Variants in TIFAB observed in about 807,000 individuals in gnomAD.
The protein encoded by TIFAB is TIFA inhibitor.
For synonymous variants in TIFAB, 116 were observed against 95.2 expected (o/e 1.22, Z -1.27); for missense variants, 222 against 203.6 (o/e 1.09, Z -0.55).
intron 1 of TIFAB, among the ~76,000 whole-genome samples, chr5:135,451,936 A>T (rs1769368349): frequency 6.6e-6 from 1 of 152,214 alleles, no homozygotes. Flanking sequence ...CTCAGGAAGA[A>T]AGATTCACAG....
At position 135,447,145 on chromosome 5, in the gene TIFAB, C is replaced by T. The variant is rs771457779; in HGVS notation, c.*2309G>A. ...CATTTTGGTCAGTGACAGATCACTG[C>T]TGCTTTTCATCAGACCAAAATACAT... is the stretch of plus-strand genomic sequence containing the variant. On this transcript the variant is annotated 3_prime_UTR_variant, in exon 2 of 2. Transcript: ENST00000537858. 15 of 1,613,554 alleles carry T rather than the reference C, an allele frequency of 9.3e-6. No individual in the cohort carries two copies. The East Asian group carries it at 2.9e-4, about 31-fold the overall frequency.
rs932665442 is a variant in TIFAB, at chr5:135,444,491, C to T, written c.*4963G>A. Reference sequence around the variant, plus strand: ...GGTACTGTGGCGACATCAGCCACCACTACGTGTCACGGGGTGGATGCTGAG... The same window carrying T: ...GGTACTGTGGCGACATCAGCCACCATTACGTGTCACGGGGTGGATGCTGAG... On this transcript the variant is annotated 3_prime_UTR_variant, in exon 2 of 2. Transcript: ENST00000537858. 1.3e-5 allele frequency: 2 copies of T among 152,322 alleles called. No homozygotes were observed. Among genetic ancestry groups the T allele is most frequent in the African/African-American group, 2.4e-5 (1 of 41,452 alleles). 9.4% of individuals were successfully genotyped at this position (152,322 alleles called of 1,614,324 possible).
rs1006852064 is a variant in TIFAB, at chr5:135,446,206, A to G, written c.*3248T>C. The G allele has an allele frequency of 1.3e-5, 10 of 786,136 alleles. No homozygotes were observed. Among genetic ancestry groups the G allele is most frequent in the African/African-American group, 1.2e-4 (7 of 57,662 alleles). 48.7% of individuals were successfully genotyped at this position (786,136 alleles called of 1,614,324 possible). On this transcript the variant is annotated 3_prime_UTR_variant, in exon 2 of 2. Transcript: ENST00000537858. ...AACTGTGGCACGGAGAGATTCAGTTACTTGTCCAGGATCACAGAACTATAG... is the reference window on the plus strand; with the variant it reads ...AACTGTGGCACGGAGAGATTCAGTTGCTTGTCCAGGATCACAGAACTATAG...
rs975851642 is a variant in TIFAB at position 135,447,389 on chromosome 5, T to G, written c.*2065A>C. On this transcript the variant is annotated 3_prime_UTR_variant, in exon 2 of 2. Coordinates refer to ENST00000537858, the MANE Select transcript of TIFAB (RefSeq NM_001099221.2). ...GGTGTGAGTCTTCCTTAGCTCCGTGTGGATGGTGAGCCCTCCTCTCTCAGG... is the reference window on the plus strand; with the variant it reads ...GGTGTGAGTCTTCCTTAGCTCCGTGGGGATGGTGAGCCCTCCTCTCTCAGG... 6.0e-6 allele frequency: 3 copies of G among 501,758 alleles called. No homozygotes were observed. Among genetic ancestry groups the G allele is most frequent in the African/African-American group, 5.8e-5 (3 of 51,384 alleles). The allele number at this position is 501,758 out of a possible 1,614,324, so 31.1% of individuals were successfully genotyped here.
At chr5:135,451,553 G>T (rs1006972472) in intron 1 of TIFAB, among the ~76,000 whole-genome samples, 8 of 149,610 alleles carry the variant, frequency 5.3e-5, no homozygotes, top group African/African-American at 2.0e-4. Context: ...GCATGATCTT[G>T]GCTCATGGTA....
rs1490835331 is a variant in TIFAB, at chr5:135,446,637, C to G, written c.*2817G>C. 6.2e-7 allele frequency: 1 copy of G among 1,614,042 alleles called. No homozygotes were observed. Among genetic ancestry groups the G allele is most frequent in the South Asian group, 1.1e-5 (1 of 91,084 alleles). ...GGGCAGAGCTTAACTGCCTTAAAAA[C>G]TTGGTACAGGGCAAGGTGTGAGTTT... On this transcript the variant is annotated 3_prime_UTR_variant, in exon 2 of 2. Coordinates refer to ENST00000537858, the MANE Select transcript of TIFAB (RefSeq NM_001099221.2).
rs541147440 is a variant in TIFAB, at chr5:135,449,378, C to T, written c.*76G>A. 4.2e-4 allele frequency: 663 copies of T among 1,564,640 alleles called. 2 individuals carry two copies. Among genetic ancestry groups the T allele is most frequent in the Middle Eastern group, 1.6e-3 (7 of 4,272 alleles). On this transcript the variant is annotated 3_prime_UTR_variant, in exon 2 of 2. Transcript: ENST00000537858. ...CCTCTGGAGCTGTATTTCTGTTCCT[C>T]CTCCAGGTCTTGGCTGGAGAGGGCT...
rs145723930 is a variant in TIFAB at position 135,444,248 on chromosome 5, C to A, written c.*5206G>T. 6.6e-6 allele frequency: 1 copy of A among 152,134 alleles called. No individual in the cohort carries two copies. The highest frequency in any genetic ancestry group is 2.1e-4 in the South Asian group (1 of 4,824). 9.4% of individuals were successfully genotyped at this position (152,134 alleles called of 1,614,324 possible). A position where few individuals can be genotyped will look rare whatever the true frequency, so the allele number is the denominator to read the frequency against. Reference sequence around the variant, plus strand: ...TGGTAGGTTTTATTTCACTTTAATCCGCCTGTGAGTTCACGTTAAAGGTAA... The same window carrying A: ...TGGTAGGTTTTATTTCACTTTAATCAGCCTGTGAGTTCACGTTAAAGGTAA... On this transcript the variant is annotated 3_prime_UTR_variant, in exon 2 of 2. Transcript: ENST00000537858.
In TIFAB at chr5:135,446,891, T is replaced by G; in HGVS notation, c.*2563A>C. On this transcript the variant is annotated 3_prime_UTR_variant, in exon 2 of 2. Coordinates refer to ENST00000537858, the MANE Select transcript of TIFAB (RefSeq NM_001099221.2). Reference sequence around the variant, plus strand: ...CAGGACCCCAGCTGGCAAGGTTTTGTTCCTCCCTGGAGGGTAGAGACCCTC... The same window carrying G: ...CAGGACCCCAGCTGGCAAGGTTTTGGTCCTCCCTGGAGGGTAGAGACCCTC... The G allele has an allele frequency of 6.2e-7, 1 of 1,613,690 alleles. No homozygotes were observed. The highest frequency in any genetic ancestry group is 2.2e-5 in the East Asian group (1 of 44,874).
Position 135,449,368 on chromosome 5 carries a change from T to G in TIFAB, c.*86A>C. 1 of 1,551,120 alleles carries G rather than the reference T, an allele frequency of 6.4e-7. No individual in the cohort carries two copies. The highest frequency in any genetic ancestry group is 8.7e-7 in the Non-Finnish European group (1 of 1,150,496). On this transcript the variant is annotated 3_prime_UTR_variant, in exon 2 of 2. Coordinates refer to ENST00000537858, the MANE Select transcript of TIFAB (RefSeq NM_001099221.2). Reference sequence around the variant, plus strand: ...CTGGGGGTTCCCTCTGGAGCTGTATTTCTGTTCCTCCTCCAGGTCTTGGCT... The same window carrying G: ...CTGGGGGTTCCCTCTGGAGCTGTATGTCTGTTCCTCCTCCAGGTCTTGGCT...
Position 135,449,854 on chromosome 5 carries a change from A to G in TIFAB, c.86T>C (p.Leu29Pro), listed in dbSNP as rs374967532. The change falls in exon 2 of 2, where the codon CTG (leucine) becomes CCG (proline). Residue 29 changes from leucine (L) to proline (P), a missense_variant. Leu to Pro is a moderately conservative substitution (Grantham distance 98, BLOSUM62 -3). Coordinates refer to ENST00000537858, the MANE Select transcript of TIFAB (RefSeq NM_001099221.2). ...PSAFANVPPR[L>P]QHDTSPLLLG... ...AAGCAGAGGGCTGGTATCATGCTGC[A>G]GCCGTGGTGGGACATTGGCAAAGGC... 30 of 1,592,170 alleles carry G rather than the reference A, an allele frequency of 1.9e-5. No homozygotes were observed. The highest frequency in any genetic ancestry group is 2.3e-5 in the Non-Finnish European group (27 of 1,166,840).
intron 1 of TIFAB, among the ~76,000 whole-genome samples, 163 bp downstream of exon 1, chr5:135,452,046 C>G (rs1298525891): frequency 1.3e-5 from 2 of 152,220 alleles, no homozygotes; most frequent in African/African-American, 4.8e-5. Flanking sequence ...CTTTTGGATC[C>G]CAGGTGTTCT....
chr5:135,447,690 T>C lies in TIFAB; in HGVS notation c.*1764A>G, dbSNP rs1423542049. 6.3e-6 allele frequency: 1 copy of C among 158,380 alleles called. No individual in the cohort carries two copies. 9.8% of individuals were successfully genotyped at this position (158,380 alleles called of 1,614,324 possible). On this transcript the variant is annotated 3_prime_UTR_variant, in exon 2 of 2. Transcript: ENST00000537858. ...ATACACACAGCACCTAGCAGAGTGC[T>C]AAGCACATGGTAGGCACTCAACAGG...
In TIFAB at chr5:135,447,438, A is replaced by T. The variant is rs979102738; in HGVS notation, c.*2016T>A. 1 of 374,308 alleles carries T rather than the reference A, an allele frequency of 2.7e-6. No individual in the cohort carries two copies. Among genetic ancestry groups the T allele is most frequent in the African/African-American group, 2.1e-5 (1 of 47,598 alleles). 23.2% of individuals were successfully genotyped at this position (374,308 alleles called of 1,614,324 possible). On this transcript the variant is annotated 3_prime_UTR_variant, in exon 2 of 2. Coordinates refer to ENST00000537858, the MANE Select transcript of TIFAB (RefSeq NM_001099221.2). ...GGTCTCATGATAGTAGCTAACCCTT[A>T]TTAAGTGTGTGCTGGGCACTGATTG... is the stretch of plus-strand genomic sequence containing the variant.
chr5:135,446,863 T>C lies in TIFAB; in HGVS notation c.*2591A>G. 1.2e-6 allele frequency: 2 copies of C among 1,613,874 alleles called. No homozygotes were observed. The highest frequency in any genetic ancestry group is 1.7e-6 in the Non-Finnish European group (2 of 1,179,818). On this transcript the variant is annotated 3_prime_UTR_variant, in exon 2 of 2. Coordinates refer to ENST00000537858, the MANE Select transcript of TIFAB (RefSeq NM_001099221.2). ...TGTGGAGGAATTGAACTGCCCCCTCTCGCAGGACCCCAGCTGGCAAGGTTT... is the reference window on the plus strand; with the variant it reads ...TGTGGAGGAATTGAACTGCCCCCTCCCGCAGGACCCCAGCTGGCAAGGTTT...
In TIFAB at chr5:135,446,833, T is replaced by C. The variant is rs1769275613; in HGVS notation, c.*2621A>G. On this transcript the variant is annotated 3_prime_UTR_variant, in exon 2 of 2. Coordinates refer to ENST00000537858, the MANE Select transcript of TIFAB (RefSeq NM_001099221.2). Reference sequence around the variant, plus strand: ...CACTCGAAAGATTGGAGTTGCAGAGTCCCCTGTGGAGGAATTGAACTGCCC... The same window carrying C: ...CACTCGAAAGATTGGAGTTGCAGAGCCCCCTGTGGAGGAATTGAACTGCCC... 1 of 1,613,630 alleles carries C rather than the reference T, an allele frequency of 6.2e-7. No homozygotes were observed. Among genetic ancestry groups the C allele is most frequent in the Non-Finnish European group, 8.5e-7 (1 of 1,179,808 alleles).
In TIFAB at chr5:135,446,352, G is replaced by T. The variant is rs376103324; in HGVS notation, c.*3102C>A. The stretch of plus-strand genomic sequence containing the variant: ...TTAGTGTATGTCTGTGCATACTTGC[G>T]TGTGTGCACACGCACACATGTTCAC... On this transcript the variant is annotated 3_prime_UTR_variant, in exon 2 of 2. Transcript: ENST00000537858. 87 of 1,572,676 alleles carry T rather than the reference G, an allele frequency of 5.5e-5. No individual in the cohort carries two copies. In the African/African-American group the frequency reaches 9.5e-4, roughly 17 times the overall value.
In TIFAB at chr5:135,449,193, T is replaced by G; in HGVS notation, c.*261A>C. The G allele has an allele frequency of 1.9e-6, 1 of 530,112 alleles. No individual in the cohort carries two copies. The highest frequency in any genetic ancestry group is 3.4e-6 in the Non-Finnish European group (1 of 297,908). The allele number at this position is 530,112 out of a possible 1,614,324, so 32.8% of individuals were successfully genotyped here. A position where few individuals can be genotyped will look rare whatever the true frequency, so the allele number is the denominator to read the frequency against. ...GAGGGTGCTTCTCCCCCCTGGGCTG[T>G]TTGTTCGGTGTTTGCAGAATTGGTT... On this transcript the variant is annotated 3_prime_UTR_variant, in exon 2 of 2. Transcript: ENST00000537858.
intron 1 of TIFAB, among the ~76,000 whole-genome samples, chr5:135,450,422 C>T (rs141523801): frequency 1.0e-3 from 156 of 152,306 alleles, no homozygotes; most frequent in African/African-American, 3.4e-3. Flanking sequence ...AACAACGAAC[C>T]GAGCCCTGAC....
Sources: gnomAD v4.1 joint callset for allele counts (sites outside exome capture counted in the v4.1 genomes callset) on GRCh38, gnomAD v4.1.1 for gene constraint, MANE v1.5 for transcripts, NCBI Gene and HGNC (gene_info 2026-07-23, HGNC 2026-07-21) for gene names.